The following TNRC6B variants were observed in gnomAD, a reference collection of about 807,000 sequenced individuals.
The protein encoded by TNRC6B is trinucleotide repeat-containing gene 6B protein.
In TNRC6B, 52 loss-of-function variants were observed where a neutral mutation model predicts 203.6. That is an observed-to-expected ratio of 0.26 (90% CI 0.20 to 0.32). The LOEUF is 0.32. Among genes scored for constraint, TNRC6B ranks in the 10% least tolerant of loss-of-function variants. The pLI, the probability that TNRC6B is intolerant of heterozygous loss-of-function variation, is 1.00. For synonymous variants in TNRC6B, 838 were observed against 845.7 expected (o/e 0.99, Z 0.16); for missense variants, 1,923 against 2,286.2 (o/e 0.84, Z 3.24).
intron 1 of TNRC6B, among the ~76,000 whole-genome samples, chr22:40,065,504 T>A (rs28837144): frequency 6.6e-6 from 1 of 152,046 alleles, no homozygotes; most frequent in Non-Finnish European, 1.5e-5. Context: ...TATTCAGATT[T>A]TCTGTTTCTT....
intron 1 of TNRC6B, among the ~76,000 whole-genome samples, chr22:40,053,166 A>C (rs1051754934): frequency 2.6e-5 from 4 of 151,922 alleles, no homozygotes; most frequent in African/African-American, 4.8e-5. Context: ...TCTTTAAAAA[A>C]AAAAAAAAAA....
At chr22:40,273,983 C>T (rs1280035817) in intron 7 of TNRC6B, among the ~76,000 whole-genome samples, 16 of 152,114 alleles carry the variant, frequency 1.1e-4, no homozygotes, top group Admixed American at 1.0e-3. Flanking sequence ...TGTGAGGCAA[C>T]TGGGGTCCTC....
intron 12 of TNRC6B, among the ~76,000 whole-genome samples, chr22:40,288,729 G>C (rs973196486): frequency 6.6e-5 from 10 of 151,702 alleles, no homozygotes; most frequent in Non-Finnish European, 1.3e-4. Flanking sequence ...TTTTAGTAGA[G>C]ACGGCATTTC....
intron 2 of TNRC6B, among the ~76,000 whole-genome samples, chr22:40,119,629 C>T (rs1166465717): frequency 6.6e-6 from 1 of 152,196 alleles, no homozygotes; most frequent in African/African-American, 2.4e-5. Context: ...CATACGTAAA[C>T]ACTTGTGTGT....
intron 3 of TNRC6B, among the ~76,000 whole-genome samples, chr22:40,144,401 C>T (rs930245666): frequency 2.6e-5 from 4 of 152,290 alleles, no homozygotes; most frequent in African/African-American, 9.6e-5. Context: ...CTTGGCTGGG[C>T]GCAGTGGCTC....
intron 1 of TNRC6B, among the ~76,000 whole-genome samples, chr22:40,048,944 C>A (rs1203472036): frequency 6.6e-6 from 1 of 152,068 alleles, no homozygotes; most frequent in Non-Finnish European, 1.5e-5. Flanking sequence ...TCCCCCCTCC[C>A]AACTTCACTG....
intron 1 of TNRC6B, among the ~76,000 whole-genome samples, chr22:40,062,773 C>G (rs1424019805): frequency 6.6e-6 from 1 of 152,136 alleles, no homozygotes; most frequent in East Asian, 1.9e-4. Context: ...GGAGAAATAT[C>G]TATTCAGATC....
chr22:40,207,415 AAAAAT>A (rs2069494253), intron 1 of TNRC6B, among the ~76,000 whole-genome samples: 1 of 113,054 alleles, frequency 8.8e-6, no homozygotes, highest in African/African-American at 5.6e-5. Context: ...TCAAAAAAAA[AAAAAT>A]ATATATATAT....
At chr22:40,109,954 T>G (rs750889094) in intron 1 of TNRC6B, among the ~76,000 whole-genome samples, 1 of 152,242 alleles carries the variant, frequency 6.6e-6, no homozygotes, top group Non-Finnish European at 1.5e-5. Flanking sequence ...AAACAATTGT[T>G]AATGATTATT....
chr22:40,313,800 C>T (rs917439380), intron 19 of TNRC6B, among the ~76,000 whole-genome samples: 2 of 152,196 alleles, frequency 1.3e-5, no homozygotes, highest in African/African-American at 4.8e-5. Flanking sequence ...TGAATGATCC[C>T]ACAGGCCAGG....
intron 19 of TNRC6B, among the ~76,000 whole-genome samples, chr22:40,314,420 A>G (rs2071229348): frequency 2.0e-5 from 3 of 152,204 alleles, no homozygotes; most frequent in African/African-American, 2.4e-5. Flanking sequence ...TCCATGCTGA[A>G]TCAGTTGCAA....
chr22:40,290,210 G>A (rs1050267909), intron 12 of TNRC6B, among the ~76,000 whole-genome samples: 41 of 152,336 alleles, frequency 2.7e-4, no homozygotes, highest in African/African-American at 9.4e-4. Flanking sequence ...CCGCTGGACT[G>A]GAAGCACTGA....
At chr22:40,230,076 A>G (rs573422862) in intron 1 of TNRC6B, among the ~76,000 whole-genome samples, 1 of 152,312 alleles carries the variant, frequency 6.6e-6, no homozygotes, top group South Asian at 2.1e-4. Context: ...CATTCCCATC[A>G]TGAGAGAGTT....
chr22:40,086,748 G>A (rs7290587), intron 1 of TNRC6B, among the ~76,000 whole-genome samples: 35,212 of 152,028 alleles, frequency 0.23, 4,517 homozygotes, highest in African/African-American at 0.34. Flanking sequence ...TTCGTTTGTC[G>A]TTAGAGAAAA....
intron 1 of TNRC6B, among the ~76,000 whole-genome samples, chr22:40,081,175 T>C (rs992680963): frequency 6.6e-6 from 1 of 152,222 alleles, no homozygotes; most frequent in Non-Finnish European, 1.5e-5. Flanking sequence ...CATAACTTTC[T>C]CATAGTGCTT....
In TNRC6B at chr22:40,285,790, T is replaced by C; in HGVS notation, c.3708+20T>C. 1 of 1,610,744 alleles carries C rather than the reference T, an allele frequency of 6.2e-7. No homozygotes were observed. Among genetic ancestry groups the C allele is most frequent in the East Asian group, 2.2e-5 (1 of 44,864 alleles). ...CCCCAGGTAAGCAATTTTACGTTCCTGTGATTCAAAATGAAAGACCATTTC... is the reference window on the plus strand; with the variant it reads ...CCCCAGGTAAGCAATTTTACGTTCCCGTGATTCAAAATGAAAGACCATTTC... On this transcript the variant is annotated intron_variant, in intron 12 of 22. Coordinates refer to ENST00000454349, the MANE Select transcript of TNRC6B (RefSeq NM_001162501.2).
Position 40,322,839 on chromosome 22 carries a change from C to A in TNRC6B, c.5115-15C>A. The A allele has an allele frequency of 6.2e-7, 1 of 1,613,520 alleles. No homozygotes were observed. The highest frequency in any genetic ancestry group is 8.5e-7 in the Non-Finnish European group (1 of 1,179,862). ...TTCCTGAGATCCATAGCTCTCTTTC[C>A]CTCCCTTCTTCCAGGTGTGTGTTGG... is the stretch of plus-strand genomic sequence containing the variant. On this transcript the variant is annotated splice_polypyrimidine_tract_variant and intron_variant, in intron 22 of 22. Coordinates refer to ENST00000454349, the MANE Select transcript of TNRC6B (RefSeq NM_001162501.2).
chr22:40,201,409 T>G (rs1051463765), intron 1 of TNRC6B, among the ~76,000 whole-genome samples: 9 of 151,854 alleles, frequency 5.9e-5, no homozygotes, highest in Non-Finnish European at 8.8e-5. Context: ...TTTTATGTGG[T>G]GTTTGGTGCA....
At chr22:40,168,831 A>G (rs1399203048) in intron 4 of TNRC6B, among the ~76,000 whole-genome samples, 1 of 152,116 alleles carries the variant, frequency 6.6e-6, no homozygotes, top group Non-Finnish European at 1.5e-5. Context: ...TCATTCTTTG[A>G]GACTCAGTTC....
Sources: gnomAD v4.1 joint callset for allele counts (sites outside exome capture counted in the v4.1 genomes callset) on GRCh38, gnomAD v4.1.1 for gene constraint, MANE v1.5 for transcripts, NCBI Gene and HGNC (gene_info 2026-07-23, HGNC 2026-07-21) for gene names.